The following ZNF225 variants were observed in gnomAD, a reference collection of about 807,000 sequenced individuals.
ZNF225 encodes the protein zinc finger protein 225.
ZNF225 carries 6 observed loss-of-function variants against 12.0 expected under a neutral mutation model. That is an observed-to-expected ratio of 0.50 (90% CI 0.27 to 0.98). ZNF225 has a LOEUF of 0.98. ZNF225 is among the 50% of genes least tolerant of loss of function. The pLI is 0.11. For missense variants in ZNF225, 763 were observed against 848.2 expected (o/e 0.90, Z 1.25); for synonymous variants, 271 against 283.2 (o/e 0.96, Z 0.43).
At chr19:44,121,976 C>T (rs1968065321) in intron 4 of ZNF225, among the ~76,000 whole-genome samples, 1 of 152,156 alleles carries the variant, frequency 6.6e-6, no homozygotes, top group Non-Finnish European at 1.5e-5. Flanking sequence ...GTTCCTTTTG[C>T]TGTGCAAAAG....
chr19:44,132,597 T>C lies in ZNF225; in HGVS notation c.1983T>C (p.Ile661=), dbSNP rs1968306021. ...AATGTGAGGACTGTGGGAAGAGCAT[T>C]GTGCACAGTTCATGCCTTAAAGACC... The part of the protein sequence containing the change: ...LLQCEDCGKS[I]VHSSCLKDQQ... The change falls in exon 5 of 5, where the codon ATT becomes ATC. Residue 661 remains isoleucine, a synonymous_variant. Coordinates refer to ENST00000262894, the MANE Select transcript of ZNF225 (RefSeq NM_013362.4). The C allele has an allele frequency of 6.2e-7, 1 of 1,613,968 alleles. No individual in the cohort carries two copies.
chr19:44,115,322 A>G (rs556303160), intron 1 of ZNF225, among the ~76,000 whole-genome samples: 3 of 152,352 alleles, frequency 2.0e-5, no homozygotes, highest in East Asian at 1.9e-4. Flanking sequence ...TTCATCCCCC[A>G]TTAAGCCTCC....
At chr19:44,118,657 G>C in intron 4 of ZNF225, 83 bp downstream of exon 4, 1 of 1,366,092 alleles carries the variant, frequency 7.3e-7, no homozygotes, top group Non-Finnish European at 1.0e-6. Context: ...CTGTTGTCCT[G>C]GTCTAAATGG....
chr19:44,118,550 G>A lies in ZNF225; in HGVS notation c.211G>A (p.Ala71Thr), dbSNP rs1568537775. 1.2e-6 allele frequency: 2 copies of A among 1,612,922 alleles called. No homozygotes were observed. Among genetic ancestry groups the A allele is most frequent in the South Asian group, 2.2e-5 (2 of 91,070 alleles). ...KEEKFWMMET[A>T]TQREGNLGGK... ...AGAAAAGTTTTGGATGATGGAGACA[G>A]CAACCCAAAGAGAAGGGAATTTAGG... Residue 71 changes from alanine (A) to threonine (T), a missense_variant, in exon 4 of 5, where the codon GCA becomes ACA. Ala to Thr is a moderately conservative substitution (Grantham distance 58). Transcript: ENST00000262894.
Position 44,131,113 on chromosome 19 carries a change from C to T in ZNF225, c.499C>T (p.Gln167Ter). 6.2e-7 allele frequency: 1 copy of T among 1,614,152 alleles called. No homozygotes were observed. The highest frequency in any genetic ancestry group is 8.5e-7 in the Non-Finnish European group (1 of 1,180,010). The change falls in exon 5 of 5, where the codon CAA becomes TAA. Residue 167 changes from glutamine to a stop codon, truncating the protein, a stop_gained. Coordinates refer to ENST00000262894, the MANE Select transcript of ZNF225 (RefSeq NM_013362.4). LOFTEE classifies it low-confidence loss of function (END_TRUNC). ...FSDVSVLDLH[Q>*]QLQSREKSHT... ...TGATGTCTCCGTCCTTGATCTTCAT[C>T]AACAACTACAGTCAAGAGAGAAGTC...
intron 4 of ZNF225, among the ~76,000 whole-genome samples, chr19:44,123,564 T>C (rs1350278446): frequency 6.6e-6 from 1 of 152,158 alleles, no homozygotes; most frequent in Non-Finnish European, 1.5e-5. Context: ...GTCAAAAGAA[T>C]TGGTATCAAT....
At chr19:44,127,075 C>T (rs889091934) in intron 4 of ZNF225, among the ~76,000 whole-genome samples, 52 of 152,256 alleles carry the variant, frequency 3.4e-4, no homozygotes, top group African/African-American at 1.3e-3. Flanking sequence ...CTGGTTCAAA[C>T]TGTTATAAAG....
Position 44,131,910 on chromosome 19 carries a change from G to T in ZNF225, c.1296G>T (p.Glu432Asp), listed in dbSNP as rs746685502. The T allele has an allele frequency of 1.9e-6, 3 of 1,614,112 alleles. No individual in the cohort carries two copies. The highest frequency in any genetic ancestry group is 4.5e-5 in the East Asian group (2 of 44,864). ...HSGEKPYRCE[E>D]CGKGYKRRLD... ...GAGAAAAGCCATATAGATGTGAGGAGTGTGGGAAGGGCTACAAAAGGAGGT... is the reference window on the plus strand; with the variant it reads ...GAGAAAAGCCATATAGATGTGAGGATTGTGGGAAGGGCTACAAAAGGAGGT... Residue 432 changes from glutamate to aspartate, a missense_variant, in exon 5 of 5, where the codon GAG (glutamate) becomes GAT (aspartate). By Grantham distance (45) the Glu-to-Asp change is conservative (BLOSUM62 2). Transcript: ENST00000262894.
rs1298098285 is a variant in ZNF225 at position 44,133,155 on chromosome 19, TGTGA to T, written c.*425_*428del. The T allele has an allele frequency of 1.9e-5, 3 of 157,964 alleles. No homozygotes were observed. The highest frequency in any genetic ancestry group is 4.2e-5 in the Non-Finnish European group (3 of 71,548). The allele number at this position is 157,964 out of a possible 1,614,324, so 9.8% of individuals were successfully genotyped here. A position where few individuals can be genotyped will look rare whatever the true frequency, so the allele number is the denominator to read the frequency against. On this transcript the variant is annotated 3_prime_UTR_variant, in exon 5 of 5. Coordinates refer to ENST00000262894, the MANE Select transcript of ZNF225 (RefSeq NM_013362.4). ...GCCCTGTAAGTCTCATTCACTTTGC[TGTGA>T]GTGATAGAATTTTGTTGTTTTTCAT...
intron 4 of ZNF225, chr19:44,128,732 T>C: frequency 3.6e-6 from 1 of 276,292 alleles, no homozygotes; most frequent in East Asian, 6.0e-5. Flanking sequence ...TTTCATATAA[T>C]GGCACCTTTC....
chr19:44,126,640 G>C (rs951285230), intron 4 of ZNF225, among the ~76,000 whole-genome samples: 1 of 152,096 alleles, frequency 6.6e-6, no homozygotes, highest in Admixed American at 6.5e-5. Context: ...TACCAGGGTG[G>C]GTAGGGAAGG....
chr19:44,129,911 A>T (rs570196855), intron 4 of ZNF225: 2 of 152,366 alleles, frequency 1.3e-5, no homozygotes, highest in South Asian at 4.1e-4. Flanking sequence ...TACAATACAA[A>T]CTAAAATATA....
chr19:44,127,273 G>A (rs1396444065), intron 4 of ZNF225, among the ~76,000 whole-genome samples: 1 of 152,190 alleles, frequency 6.6e-6, no homozygotes, highest in Non-Finnish European at 1.5e-5. Flanking sequence ...TCAGCTCCAG[G>A]TAAGGTCGGA....
chr19:44,120,235 C>T (rs1191825060), intron 4 of ZNF225, among the ~76,000 whole-genome samples: 1 of 152,050 alleles, frequency 6.6e-6, no homozygotes, highest in Non-Finnish European at 1.5e-5. Context: ...AAACAAAACA[C>T]TGTTCTATTT....
Position 44,131,722 on chromosome 19 carries a change from A to C in ZNF225, c.1108A>C (p.Lys370Gln). 6.2e-7 allele frequency: 1 copy of C among 1,614,246 alleles called. No homozygotes were observed. The highest frequency in any genetic ancestry group is 8.5e-7 in the Non-Finnish European group (1 of 1,180,036). ...YKHQIDHTGEKPYNCKECGKS... is the reference protein window; with the variant it reads ...YKHQIDHTGEQPYNCKECGKS... ...GCATCAGATAGACCACACAGGGGAG[A>C]AGCCATATAATTGTAAAGAATGTGG... The change falls in exon 5 of 5, where the codon AAG becomes CAG. Residue 370 changes from lysine (K) to glutamine (Q), a missense_variant. Physicochemically the swap from Lys to Gln is moderately conservative, Grantham distance 53. Coordinates refer to ENST00000262894, the MANE Select transcript of ZNF225 (RefSeq NM_013362.4).
chr19:44,126,369 G>A (rs1280899420), intron 4 of ZNF225, among the ~76,000 whole-genome samples: 1 of 152,184 alleles, frequency 6.6e-6, no homozygotes, highest in African/African-American at 2.4e-5. Flanking sequence ...GGGGCTGTCT[G>A]CACAGAGTCC....
At position 44,132,923 on chromosome 19, in the gene ZNF225, T is replaced by TA. The variant is rs1450389844; in HGVS notation, c.*188_*189insA. ...GTTGTTAATTACTGTCACCCTGTAG[T>TA]GGTGTAAAACACTAGAACTTATTCC... On this transcript the variant is annotated 3_prime_UTR_variant, in exon 5 of 5. Transcript: ENST00000262894. 9.2e-6 allele frequency: 5 copies of TA among 545,582 alleles called. No individual in the cohort carries two copies. Among genetic ancestry groups the TA allele is most frequent in the Non-Finnish European group, 1.5e-5 (5 of 326,742 alleles). 33.8% of individuals were successfully genotyped at this position (545,582 alleles called of 1,614,324 possible).
chr19:44,122,210 A>G (rs1968069394), intron 4 of ZNF225, among the ~76,000 whole-genome samples: 1 of 152,164 alleles, frequency 6.6e-6, no homozygotes, highest in Non-Finnish European at 1.5e-5. Context: ...ATTCTCCTAC[A>G]TGTGGCTAGC....
chr19:44,123,975 T>C (rs1968100708), intron 4 of ZNF225, among the ~76,000 whole-genome samples: 1 of 128,888 alleles, frequency 7.8e-6, no homozygotes, highest in Non-Finnish European at 1.5e-5. Context: ...GTATTTTTTG[T>C]TTTGTTTTGT....
Sources: gnomAD v4.1 joint callset for allele counts (sites outside exome capture counted in the v4.1 genomes callset) on GRCh38, gnomAD v4.1.1 for gene constraint, MANE v1.5 for transcripts, NCBI Gene and HGNC (gene_info 2026-07-23, HGNC 2026-07-21) for gene names.